PPFIA2: variants seen among roughly 807,000 people sequenced by gnomAD.
The protein encoded by PPFIA2 is liprin-alpha-2.
In PPFIA2, 46 loss-of-function variants were observed where a neutral mutation model predicts 175.5. The observed-to-expected ratio is 0.26, with a 90% CI of 0.21 to 0.34. The LOEUF is 0.34. Ranked by LOEUF, PPFIA2 falls within the 10% of genes least tolerant of loss-of-function variation. The pLI, the probability that PPFIA2 is intolerant of heterozygous loss-of-function variation, is 1.00. For missense variants in PPFIA2, 1,179 were observed against 1,506.1 expected (o/e 0.78, Z 3.60); for synonymous variants, 568 against 511.4 (o/e 1.11, Z -1.49).
chr12:81,388,313 A>G (rs1333800178), intron 8 of PPFIA2, among the ~76,000 whole-genome samples: 1 of 152,216 alleles, frequency 6.6e-6, no homozygotes, highest in Non-Finnish European at 1.5e-5. Context: ...TGTACAATGA[A>G]AACAAACATA....
At chr12:81,614,693 A>G (rs1024351884) in intron 4 of PPFIA2, among the ~76,000 whole-genome samples, 2 of 152,150 alleles carry the variant, frequency 1.3e-5, no homozygotes, top group Non-Finnish European at 2.9e-5. Context: ...GACAAAGCCA[A>G]TCACTCTCTT....
intron 21 of PPFIA2, among the ~76,000 whole-genome samples, chr12:81,338,137 T>C (rs2057415583): frequency 6.6e-6 from 1 of 152,072 alleles, no homozygotes; most frequent in South Asian, 2.1e-4. Flanking sequence ...CAATCAGAAA[T>C]TCTTTTGATG....
intron 9 of PPFIA2, among the ~76,000 whole-genome samples, chr12:81,383,001 T>C (rs1318795362): frequency 6.6e-6 from 1 of 152,064 alleles, no homozygotes; most frequent in Non-Finnish European, 1.5e-5. Context: ...AAGAGGATAA[T>C]GTGCTATGAG....
intron 22 of PPFIA2, among the ~76,000 whole-genome samples, chr12:81,313,290 T>C (rs187614925): frequency 6.6e-6 from 1 of 152,166 alleles, no homozygotes; most frequent in Admixed American, 6.5e-5. Context: ...TATAACAAAA[T>C]AGAAAGCAGA....
At chr12:81,522,023 T>G (rs1240756901) in intron 4 of PPFIA2, among the ~76,000 whole-genome samples, 4 of 152,156 alleles carry the variant, frequency 2.6e-5, no homozygotes, top group Admixed American at 6.5e-5. Context: ...TAAAGATGAA[T>G]CAAATAAAAT....
At chr12:81,486,858 TA>T (rs2058877591) in intron 4 of PPFIA2, among the ~76,000 whole-genome samples, 1 of 151,796 alleles carries the variant, frequency 6.6e-6, no homozygotes, top group African/African-American at 2.4e-5. Flanking sequence ...GATGAGGAAA[TA>T]AAAATGAAAC....
intron 18 of PPFIA2, among the ~76,000 whole-genome samples, chr12:81,345,038 T>A (rs550487908): frequency 1.3e-5 from 2 of 152,236 alleles, no homozygotes; most frequent in African/African-American, 4.8e-5. Context: ...CGAGACTGCA[T>A]CTTTTCAAGA....
At chr12:81,543,570 T>C (rs1210164569) in intron 4 of PPFIA2, among the ~76,000 whole-genome samples, 1 of 152,168 alleles carries the variant, frequency 6.6e-6, no homozygotes, top group Non-Finnish European at 1.5e-5. Flanking sequence ...TTTATATGGA[T>C]ACTCTTCCTT....
intron 4 of PPFIA2, among the ~76,000 whole-genome samples, chr12:81,566,656 G>A (rs1323659588): frequency 1.3e-5 from 2 of 151,922 alleles, no homozygotes; most frequent in Admixed American, 6.5e-5. Context: ...CACTTCAAGA[G>A]AAGGACACAT....
chr12:81,609,642 C>A (rs1413735961), intron 4 of PPFIA2, among the ~76,000 whole-genome samples: 1 of 152,062 alleles, frequency 6.6e-6, no homozygotes, highest in Non-Finnish European at 1.5e-5. Context: ...TTTCCTTATT[C>A]TTTTACTTTG....
At chr12:81,408,089 C>A (rs949366130) in intron 7 of PPFIA2, among the ~76,000 whole-genome samples, 6 of 151,816 alleles carry the variant, frequency 4.0e-5, no homozygotes, top group African/African-American at 7.2e-5. Flanking sequence ...CTGATTAATT[C>A]AAAAAATAAC....
chr12:81,409,941 C>T (rs540941499), intron 7 of PPFIA2, among the ~76,000 whole-genome samples: 8 of 152,236 alleles, frequency 5.3e-5, no homozygotes, highest in African/African-American at 1.9e-4. Flanking sequence ...CAACCCCCAA[C>T]ATTTGTATGT....
At chr12:81,725,281 C>T (rs1482257545) in intron 3 of PPFIA2, among the ~76,000 whole-genome samples, 2 of 150,778 alleles carry the variant, frequency 1.3e-5, no homozygotes, top group East Asian at 3.9e-4. Flanking sequence ...TTAGAAAATA[C>T]ATACATTTTA....
intron 4 of PPFIA2, among the ~76,000 whole-genome samples, chr12:81,560,987 G>A (rs1469369701): frequency 6.6e-6 from 1 of 151,982 alleles, no homozygotes; most frequent in African/African-American, 2.4e-5. Flanking sequence ...AATGAGCTTT[G>A]TTCCTAAATG....
rs983589145 is a variant in PPFIA2 at position 81,291,161 on chromosome 12, A to AT, written c.2925+3673dup. ...AACATTGATTATCTCTAAAATCAGT[A>AT]TTTTTTAATGTTTTTAAATTATTTT... On this transcript the variant is annotated intron_variant, in intron 24 of 32. Transcript: ENST00000549396. Among the ~76,000 whole-genome samples the AT allele has an allele frequency of 7.9e-4, 120 of 151,980 alleles. 1 individual carries two copies. Among genetic ancestry groups the AT allele is most frequent in the African/African-American group, 2.7e-3 (113 of 41,534 alleles).
At chr12:81,667,164 CT>C (rs1179077839) in intron 4 of PPFIA2, among the ~76,000 whole-genome samples, 1 of 152,048 alleles carries the variant, frequency 6.6e-6, no homozygotes, top group Non-Finnish European at 1.5e-5. Flanking sequence ...GTGTTCTGTG[CT>C]TTTTCTCTTT....
At chr12:81,737,039 G>C (rs1482692961) in intron 3 of PPFIA2, among the ~76,000 whole-genome samples, 1 of 151,926 alleles carries the variant, frequency 6.6e-6, no homozygotes, top group African/African-American at 2.4e-5. Context: ...ATTGGGACCA[G>C]CTCTATTGAT....
At chr12:81,322,045 A>C (rs2053769619) in intron 22 of PPFIA2, among the ~76,000 whole-genome samples, 1 of 152,142 alleles carries the variant, frequency 6.6e-6, no homozygotes, top group East Asian at 1.9e-4. Flanking sequence ...TCTGCTGCCC[A>C]GGCTGGGTCT....
At chr12:81,375,224 C>T (rs1310290052) in intron 10 of PPFIA2, among the ~76,000 whole-genome samples, 1 of 152,124 alleles carries the variant, frequency 6.6e-6, no homozygotes, top group Non-Finnish European at 1.5e-5. Flanking sequence ...CATATGGCCT[C>T]AATCCCAAAT....
Sources: allele counts gnomAD v4.1 joint callset (sites outside exome capture counted in the v4.1 genomes callset), GRCh38; gene constraint gnomAD v4.1.1; transcripts MANE v1.5; gene names NCBI Gene and HGNC (gene_info 2026-07-23, HGNC 2026-07-21).